SLC13A1: variants seen among roughly 807,000 people sequenced by gnomAD.
The protein encoded by SLC13A1 is solute carrier family 13 member 1, also known as Na(+)/sulfate cotransporter.
A neutral mutation model predicts 70.0 loss-of-function variants in SLC13A1; 65 were observed. That is an observed-to-expected ratio of 0.93 (90% CI 0.76 to 1.14). The LOEUF is 1.14. Among genes scored for constraint, SLC13A1 ranks in the 50% most tolerant of loss-of-function variants. SLC13A1 has a pLI of 0.00. For synonymous variants in SLC13A1, 275 were observed against 250.5 expected, an observed-to-expected ratio of 1.10 and a Z score of -0.92; for missense variants, 726 against 717.8, an observed-to-expected ratio of 1.01 and a Z score of -0.13.
intron 7 of SLC13A1, among the ~76,000 whole-genome samples, chr7:123,138,026 A>G (rs1402255766): frequency 6.6e-6 from 1 of 152,060 alleles, no homozygotes; most frequent in Non-Finnish European, 1.5e-5. Flanking sequence ...TCTTTCTGCC[A>G]ATTTTGTACC....
At chr7:123,142,657 A>ATTT (rs1794196835) in intron 7 of SLC13A1, among the ~76,000 whole-genome samples, 1 of 27,646 alleles carries the variant, frequency 3.6e-5, no homozygotes. Context: ...TTTTTTTTTG[A>ATTT]TGGAGGCTGG....
intron 2 of SLC13A1, among the ~76,000 whole-genome samples, chr7:123,180,664 A>C (rs1795607506): frequency 6.6e-6 from 1 of 152,138 alleles, no homozygotes; most frequent in African/African-American, 2.4e-5. Context: ...GAATATAAAA[A>C]GCTTATGGAG....
At chr7:123,153,057 C>A (rs990878741) in intron 6 of SLC13A1, among the ~76,000 whole-genome samples, 1 of 151,850 alleles carries the variant, frequency 6.6e-6, no homozygotes, top group Non-Finnish European at 1.5e-5. Flanking sequence ...CACCTTAAAA[C>A]TTTCAAAAAT....
chr7:123,136,011 A>G (rs2462142), intron 7 of SLC13A1, among the ~76,000 whole-genome samples: 92,052 of 152,046 alleles, frequency 0.61, 28,064 homozygotes, highest in African/African-American at 0.67. Context: ...AAGTAATGGG[A>G]GAAAAGCTGA....
chr7:123,123,477 A>G (rs958415173), intron 11 of SLC13A1, among the ~76,000 whole-genome samples: 2 of 152,190 alleles, frequency 1.3e-5, no homozygotes, highest in Non-Finnish European at 2.9e-5. Flanking sequence ...AATATATTTC[A>G]ATAAATTATA....
At chr7:123,145,710 G>A (rs1323749074) in intron 7 of SLC13A1, among the ~76,000 whole-genome samples, 1 of 152,168 alleles carries the variant, frequency 6.6e-6, no homozygotes, top group South Asian at 2.1e-4. Flanking sequence ...TAATTGGAGT[G>A]TAGATAATGG....
chr7:123,176,205 A>G (rs1795441370), intron 2 of SLC13A1, among the ~76,000 whole-genome samples: 1 of 152,178 alleles, frequency 6.6e-6, no homozygotes, highest in African/African-American at 2.4e-5. Flanking sequence ...AAAACTTCAC[A>G]TTCTCTGTTT....
At chr7:123,167,956 C>T (rs1409339743) in intron 6 of SLC13A1, among the ~76,000 whole-genome samples, 1 of 151,978 alleles carries the variant, frequency 6.6e-6, no homozygotes, top group African/African-American at 2.4e-5. Context: ...ATGCTTATTA[C>T]CCGGGTAAGG....
At chr7:123,171,115 C>T (rs1795258248) in intron 3 of SLC13A1, among the ~76,000 whole-genome samples, 1 of 152,060 alleles carries the variant, frequency 6.6e-6, no homozygotes, top group Non-Finnish European at 1.5e-5. Flanking sequence ...ACGCAAAATG[C>T]CACTATGCAA....
chr7:123,169,345 G>C lies in SLC13A1; in HGVS notation c.366-10C>G. 6.2e-7 allele frequency: 1 copy of C among 1,609,830 alleles called. No individual in the cohort carries two copies. The highest frequency in any genetic ancestry group is 2.0e-4 in the Middle Eastern group (1 of 5,058). The stretch of plus-strand genomic sequence containing the variant: ...GAACCCCAGCGTCAGCCTGAAACCA[G>C]AGAGCCATTATTGTGGAGCTGTGCT... On this transcript the variant is annotated splice_polypyrimidine_tract_variant and intron_variant, in intron 3 of 14. Coordinates refer to ENST00000194130, the MANE Select transcript of SLC13A1 (RefSeq NM_022444.4).
At chr7:123,165,673 A>C (rs1795045564) in intron 6 of SLC13A1, among the ~76,000 whole-genome samples, 1 of 152,124 alleles carries the variant, frequency 6.6e-6, no homozygotes, top group Admixed American at 6.6e-5. Context: ...ACTCCTTTGC[A>C]TTGGATGAAG....
intron 1 of SLC13A1, among the ~76,000 whole-genome samples, chr7:123,185,952 C>T (rs966078288): frequency 3.9e-5 from 6 of 151,988 alleles, no homozygotes; most frequent in Admixed American, 3.9e-4. Flanking sequence ...ATGGGTTCAT[C>T]CCAGGAATGC....
intron 7 of SLC13A1, among the ~76,000 whole-genome samples, chr7:123,142,516 C>T (rs1048495307): frequency 2.0e-5 from 3 of 152,094 alleles, no homozygotes; most frequent in African/African-American, 7.2e-5. Flanking sequence ...GGAGTCTCAA[C>T]CCACAGCCAC....
intron 6 of SLC13A1, among the ~76,000 whole-genome samples, chr7:123,165,639 C>T (rs925302437): frequency 2.6e-5 from 4 of 152,102 alleles, no homozygotes; most frequent in Non-Finnish European, 5.9e-5. Flanking sequence ...TAAGGCTTTG[C>T]GTTTTCCATA....
chr7:123,127,615 G>A (rs143110294), intron 10 of SLC13A1, among the ~76,000 whole-genome samples: 5 of 151,964 alleles, frequency 3.3e-5, no homozygotes, highest in African/African-American at 1.2e-4. Context: ...TTATTTCTAA[G>A]GGAATCAAAA....
chr7:123,169,075 A>G, intron 4 of SLC13A1, 73 bp downstream of exon 4: 2 of 1,403,400 alleles, frequency 1.4e-6, no homozygotes, highest in East Asian at 2.3e-5. Context: ...TCAAAATACA[A>G]CTTAGAATTC....
intron 4 of SLC13A1, 32 bp from the exon 5 acceptor site, chr7:123,168,593 T>A: frequency 6.6e-7 from 1 of 1,504,336 alleles, no homozygotes; most frequent in Non-Finnish European, 9.2e-7. Context: ...AAAAACAATT[T>A]AAATAAGGGA....
At chr7:123,157,402 A>G (rs1794747538) in intron 6 of SLC13A1, among the ~76,000 whole-genome samples, 1 of 152,146 alleles carries the variant, frequency 6.6e-6, no homozygotes, top group African/African-American at 2.4e-5. Context: ...GTGATGAATA[A>G]AGAGATGTTT....
intron 7 of SLC13A1, among the ~76,000 whole-genome samples, chr7:123,142,203 T>C (rs1794178740): frequency 6.6e-6 from 1 of 152,036 alleles, no homozygotes. Flanking sequence ...CAGTGAAAGC[T>C]CACCCCGTGT....
Sources: allele counts gnomAD v4.1 joint callset (sites outside exome capture counted in the v4.1 genomes callset), GRCh38; gene constraint gnomAD v4.1.1; transcripts MANE v1.5; gene names NCBI Gene and HGNC (gene_info 2026-07-23, HGNC 2026-07-21).